TLE4: variants seen among roughly 807,000 people sequenced by gnomAD.
TLE4 encodes transducin-like enhancer protein 4.
Under a neutral mutation model 92.8 loss-of-function variants are expected in TLE4, and 8 were observed. The ratio of observed to expected loss-of-function variants is 0.09; its 90% CI spans 0.05 to 0.16. The LOEUF (loss-of-function observed/expected upper bound fraction) is 0.16. Among genes scored for constraint, TLE4 ranks in the 10% least tolerant of loss-of-function variants. TLE4 has a pLI of 1.00. For synonymous variants in TLE4, 371 were observed against 374.1 expected, an observed-to-expected ratio of 0.99 and a Z score of 0.10; for missense variants, 675 against 997.6, an observed-to-expected ratio of 0.68 and a Z score of 4.36.
chr9:79,604,270 G>A (rs1423930862), intron 4 of TLE4, among the ~76,000 whole-genome samples: 4 of 152,102 alleles, frequency 2.6e-5, no homozygotes, highest in Non-Finnish European at 5.9e-5. Flanking sequence ...TAGGAAGAGG[G>A]ACTGTCTCCT....
chr9:79,584,419 T>G (rs2040540774), intron 4 of TLE4, among the ~76,000 whole-genome samples: 1 of 152,176 alleles, frequency 6.6e-6, no homozygotes, highest in Admixed American at 6.5e-5. Context: ...GAAAAGTGCT[T>G]GATAAAACTG....
At chr9:79,677,058 G>A (rs1033173768) in intron 8 of TLE4, among the ~76,000 whole-genome samples, 6 of 151,996 alleles carry the variant, frequency 3.9e-5, no homozygotes, top group Admixed American at 6.6e-5. Context: ...GGCTCAAATC[G>A]CAGACTAGAG....
intron 4 of TLE4, chr9:79,576,871 G>A (rs1002809281): frequency 6.6e-6 from 1 of 151,062 alleles, no homozygotes; most frequent in East Asian, 1.9e-4. Flanking sequence ...TCTTCTTTTT[G>A]TGCAGGAGAC....
intron 14 of TLE4, among the ~76,000 whole-genome samples, chr9:79,716,609 T>A (rs1403102129): frequency 2.0e-5 from 3 of 152,206 alleles, no homozygotes; most frequent in Admixed American, 1.3e-4. Flanking sequence ...AATAAATGAA[T>A]AATTAGCACG....
intron 6 of TLE4, among the ~76,000 whole-genome samples, chr9:79,629,406 A>G (rs1428393482): frequency 1.3e-5 from 2 of 152,128 alleles, no homozygotes; most frequent in African/African-American, 4.8e-5. Context: ...TTTATTTGGA[A>G]TGGAATGGCC....
chr9:79,719,898 C>T (rs1021475250), intron 15 of TLE4, 148 bp from the exon 16 acceptor site: 1 of 1,045,720 alleles, frequency 9.6e-7, no homozygotes, highest in Non-Finnish European at 1.3e-6. Flanking sequence ...ATGTAATTTT[C>T]TAGCATTAAT....
chr9:79,606,316 T>C (rs1243635962), intron 4 of TLE4, among the ~76,000 whole-genome samples: 1 of 137,834 alleles, frequency 7.3e-6, no homozygotes, highest in East Asian at 2.1e-4. Flanking sequence ...ATCTTTAAGC[T>C]TTATTCCAGT....
intron 6 of TLE4, among the ~76,000 whole-genome samples, chr9:79,628,800 C>T (rs903179985): frequency 2.0e-5 from 3 of 151,562 alleles, no homozygotes; most frequent in Admixed American, 6.6e-5. Flanking sequence ...AATTGGTTTT[C>T]GTTTCCAAAA....
intron 8 of TLE4, among the ~76,000 whole-genome samples, chr9:79,690,779 C>CGCTTTTT (rs2066893971): frequency 3.7e-5 from 2 of 54,164 alleles, no homozygotes; most frequent in African/African-American, 6.8e-5. Context: ...CCACTCCTGG[C>CGCTTTTT]TTTTTTTTTT....
At chr9:79,579,364 T>C (rs887731443) in intron 4 of TLE4, among the ~76,000 whole-genome samples, 2 of 152,248 alleles carry the variant, frequency 1.3e-5, no homozygotes, top group Admixed American at 6.5e-5. Flanking sequence ...TCCTCACTGA[T>C]GGACTCTGAC....
chr9:79,702,389 T>C (rs1296299302), intron 8 of TLE4, among the ~76,000 whole-genome samples: 1 of 152,126 alleles, frequency 6.6e-6, no homozygotes, highest in African/African-American at 2.4e-5. Context: ...GCATGAAGTA[T>C]GGTAGATAGT....
chr9:79,722,693 A>C, intron 18 of TLE4, 92 bp downstream of exon 18: 4 of 1,464,100 alleles, frequency 2.7e-6, no homozygotes, highest in Non-Finnish European at 3.7e-6. Flanking sequence ...CCTTGAGTTC[A>C]TTACCATGCC....
intron 4 of TLE4, among the ~76,000 whole-genome samples, chr9:79,596,146 G>A (rs541788962): frequency 2.2e-4 from 33 of 152,012 alleles, no homozygotes; most frequent in South Asian, 6.2e-4. Context: ...GCGCCCGGCC[G>A]TTTAGTATCT....
chr9:79,601,093 C>G (rs2045541593), intron 4 of TLE4, among the ~76,000 whole-genome samples: 1 of 152,152 alleles, frequency 6.6e-6, no homozygotes, highest in Non-Finnish European at 1.5e-5. Flanking sequence ...GCTGCATTTC[C>G]TTTATTATAT....
chr9:79,624,203 G>T (rs1029405433), intron 5 of TLE4, among the ~76,000 whole-genome samples: 1 of 149,402 alleles, frequency 6.7e-6, no homozygotes, highest in African/African-American at 2.5e-5. Flanking sequence ...AAGCCTCCTG[G>T]GTCAGTTTAT....
intron 19 of TLE4, among the ~76,000 whole-genome samples, chr9:79,723,776 A>G (rs1265952618): frequency 1.3e-5 from 2 of 152,244 alleles, no homozygotes; most frequent in African/African-American, 4.8e-5. Context: ...CCAAAATAGT[A>G]TGCAAGATAA....
At chr9:79,717,986 T>C (rs895004843) in intron 14 of TLE4, 2 of 456,542 alleles carry the variant, frequency 4.4e-6, no homozygotes, top group African/African-American at 4.0e-5. Context: ...CTTACTTAAG[T>C]TGCATTTTAG....
intron 6 of TLE4, chr9:79,649,960 G>T (rs761690144): frequency 1.8e-5 from 20 of 1,108,112 alleles, no homozygotes; most frequent in Non-Finnish European, 2.3e-5. Context: ...CTGTCACACA[G>T]GCTGGGATGC....
intron 6 of TLE4, among the ~76,000 whole-genome samples, chr9:79,649,099 C>A (rs552109013): frequency 6.6e-6 from 1 of 152,102 alleles, no homozygotes; most frequent in Non-Finnish European, 1.5e-5. Context: ...TGCTCAGTCA[C>A]GTGTGAGTGG....
Sources: allele counts gnomAD v4.1 joint callset (sites outside exome capture counted in the v4.1 genomes callset), GRCh38; gene constraint gnomAD v4.1.1; transcripts MANE v1.5; gene names NCBI Gene and HGNC (gene_info 2026-07-23, HGNC 2026-07-21).